GALNTL6: variants seen among roughly 807,000 people sequenced by gnomAD.
The protein encoded by GALNTL6 is polypeptide N-acetylgalactosaminyltransferase-like 6.
GALNTL6 carries 46 observed loss-of-function variants against 73.7 expected under a neutral mutation model. The ratio of observed to expected loss-of-function variants is 0.62; its 90% CI spans 0.49 to 0.80. GALNTL6 has a LOEUF of 0.80. GALNTL6 is among the 30% of genes least tolerant of loss of function. GALNTL6 has a pLI of 0.00. For synonymous variants in GALNTL6, 259 were observed against 263.7 expected (o/e 0.98, Z 0.17); for missense variants, 604 against 755.0 (o/e 0.80, Z 2.34).
intron 4 of GALNTL6, among the ~76,000 whole-genome samples, chr4:172,340,141 G>A (rs1741510972): frequency 6.6e-6 from 1 of 151,994 alleles, no homozygotes; most frequent in Admixed American, 6.6e-5. Flanking sequence ...TTTTATATAT[G>A]GCATGTATTA....
intron 5 of GALNTL6, among the ~76,000 whole-genome samples, chr4:172,642,064 A>T (rs1210034163): frequency 6.6e-6 from 1 of 152,102 alleles, no homozygotes; most frequent in Non-Finnish European, 1.5e-5. Flanking sequence ...TTATTATCAA[A>T]AATACAAAAA....
intron 4 of GALNTL6, among the ~76,000 whole-genome samples, chr4:172,319,641 A>G (rs1045580857): frequency 6.6e-6 from 1 of 152,138 alleles, no homozygotes; most frequent in African/African-American, 2.4e-5. Context: ...TCAATAACAA[A>G]TGTGCTCTTA....
At chr4:172,979,270 T>C (rs904826275) in intron 10 of GALNTL6, among the ~76,000 whole-genome samples, 2 of 152,188 alleles carry the variant, frequency 1.3e-5, no homozygotes, top group Non-Finnish European at 2.9e-5. Flanking sequence ...AAGTACCCCA[T>C]ATCTAAAAGA....
intron 5 of GALNTL6, among the ~76,000 whole-genome samples, chr4:172,695,200 A>G (rs1164070558): frequency 6.6e-6 from 1 of 152,234 alleles, no homozygotes; most frequent in African/African-American, 2.4e-5. Flanking sequence ...AAAAGCTTAA[A>G]AAAATCAGAA....
chr4:172,529,122 T>A (rs1037173370), intron 5 of GALNTL6, among the ~76,000 whole-genome samples: 4 of 150,642 alleles, frequency 2.7e-5, no homozygotes, highest in African/African-American at 4.9e-5. Context: ...TGGATATTAA[T>A]GTAAATAACT....
chr4:171,848,148 C>T (rs1198006160), intron 2 of GALNTL6, among the ~76,000 whole-genome samples: 2 of 152,348 alleles, frequency 1.3e-5, no homozygotes, highest in East Asian at 3.9e-4. Flanking sequence ...CAACATTAAT[C>T]TCCTTGTACA....
intron 5 of GALNTL6, among the ~76,000 whole-genome samples, chr4:172,612,848 T>A (rs1738580213): frequency 6.6e-6 from 1 of 152,132 alleles, no homozygotes; most frequent in South Asian, 2.1e-4. Flanking sequence ...CAGCATATTT[T>A]GTTTTGCTTA....
At chr4:172,426,954 G>T (rs139240253) in intron 5 of GALNTL6, among the ~76,000 whole-genome samples, 1 of 151,264 alleles carries the variant, frequency 6.6e-6, no homozygotes, top group African/African-American at 2.4e-5. Context: ...ACATTATCTC[G>T]TATTCTGTGG....
At chr4:171,964,037 T>C (rs903438365) in intron 2 of GALNTL6, among the ~76,000 whole-genome samples, 1 of 152,216 alleles carries the variant, frequency 6.6e-6, no homozygotes, top group Non-Finnish European at 1.5e-5. Flanking sequence ...TTCCTCAGTG[T>C]GGGTATCCTG....
At chr4:172,877,165 C>A (rs1157029069) in intron 7 of GALNTL6, among the ~76,000 whole-genome samples, 1 of 151,996 alleles carries the variant, frequency 6.6e-6, no homozygotes, top group East Asian at 1.9e-4. Flanking sequence ...TAATAAAATT[C>A]TTTATGTATG....
chr4:172,810,055 T>C (rs1741202018), intron 6 of GALNTL6, among the ~76,000 whole-genome samples: 1 of 152,150 alleles, frequency 6.6e-6, no homozygotes, highest in Admixed American at 6.5e-5. Context: ...GGATTTAAAA[T>C]GCCGTTTCTT....
At chr4:171,973,012 A>G (rs896856093) in intron 2 of GALNTL6, among the ~76,000 whole-genome samples, 1 of 152,184 alleles carries the variant, frequency 6.6e-6, no homozygotes, top group Middle Eastern at 3.2e-3. Context: ...ATATAAAACT[A>G]TGCAATTATT....
At chr4:172,790,896 C>CAAAAAA (rs770813700) in intron 5 of GALNTL6, among the ~76,000 whole-genome samples, 4 of 71,418 alleles carry the variant, frequency 5.6e-5, no homozygotes, top group African/African-American at 1.5e-4. Flanking sequence ...GAGACTCCAT[C>CAAAAAA]AAAAAAAAAA....
intron 3 of GALNTL6, among the ~76,000 whole-genome samples, chr4:172,303,088 C>G (rs1224743349): frequency 6.6e-6 from 1 of 152,198 alleles, no homozygotes; most frequent in East Asian, 1.9e-4. Context: ...CAACCTCTGC[C>G]GCCCAGGTTC....
chr4:172,096,523 T>G (rs1732362991), intron 2 of GALNTL6, among the ~76,000 whole-genome samples: 1 of 139,316 alleles, frequency 7.2e-6, no homozygotes. Context: ...TTATATTTAC[T>G]GACAGCCCTT....
At chr4:172,251,704 C>A (rs1414542631) in intron 3 of GALNTL6, among the ~76,000 whole-genome samples, 2 of 152,090 alleles carry the variant, frequency 1.3e-5, no homozygotes, top group African/African-American at 4.8e-5. Context: ...AACCTGGATT[C>A]CAAGAGAAAG....
At position 172,809,462 on chromosome 4, in the gene GALNTL6, GGGGCATCTAT is replaced by G. The variant is rs765309073; in HGVS notation, c.658_667del (p.Ala220ProfsTer6). On this transcript the variant is annotated frameshift_variant, in exon 6 of 13. Coordinates refer to ENST00000506823, the MANE Select transcript of GALNTL6 (RefSeq NM_001034845.3). LOFTEE classifies it high-confidence loss of function. The surrounding 1 kb of genome is among the most constrained non-coding windows in gnomAD (Gnocchi z 4.4). ...AGGACTCATCCGGACCCGTCTCCTG[GGGGCATCTAT>G]GGCCAGAGGAGAAGTCCTGACATTC... 5.0e-6 allele frequency: 8 copies of G among 1,613,816 alleles called. No homozygotes were observed.
chr4:172,710,162 A>G (rs1013935874), intron 5 of GALNTL6, among the ~76,000 whole-genome samples: 1 of 152,186 alleles, frequency 6.6e-6, no homozygotes, highest in African/African-American at 2.4e-5. Flanking sequence ...AGGGTGTGAG[A>G]GAAAAGGAGC....
At chr4:172,202,797 A>G (rs902239262) in intron 2 of GALNTL6, among the ~76,000 whole-genome samples, 3 of 152,238 alleles carry the variant, frequency 2.0e-5, no homozygotes, top group Admixed American at 6.5e-5. Flanking sequence ...ACTATACAAT[A>G]TATAATAGAG....
Sources: allele counts gnomAD v4.1 joint callset (sites outside exome capture counted in the v4.1 genomes callset), GRCh38; gene constraint gnomAD v4.1.1; non-coding constraint Gnocchi (gnomAD v3.1); transcripts MANE v1.5; gene names NCBI Gene and HGNC (gene_info 2026-07-23, HGNC 2026-07-21).